The following AKR1E2 variants were observed in gnomAD, a reference collection of about 807,000 sequenced individuals.
AKR1E2 encodes 1,5-anhydro-D-fructose reductase.
AKR1E2 carries 43 observed loss-of-function variants against 41.9 expected under a neutral mutation model. The observed-to-expected ratio is 1.03, with a 90% confidence interval of 0.80 to 1.32. The LOEUF is 1.32. AKR1E2 is among the 40% of genes most tolerant of loss of function. The pLI is 0.00. For missense variants in AKR1E2, 423 were observed against 396.5 expected, an observed-to-expected ratio of 1.07 and a Z score of -0.57; for synonymous variants, 121 against 138.9, an observed-to-expected ratio of 0.87 and a Z score of 0.91.
intron 4 of AKR1E2, among the ~76,000 whole-genome samples, chr10:4,836,648 T>C (rs898596568): frequency 6.6e-6 from 1 of 152,158 alleles, no homozygotes; most frequent in Non-Finnish European, 1.5e-5. Context: ...CCCCCATCAA[T>C]AGAAGACAAA....
the AKR1E2 span, among the ~76,000 whole-genome samples, chr10:4,867,881 A>G: frequency 2.6e-5 from 4 of 152,126 alleles, no homozygotes; most frequent in African/African-American, 4.8e-5. Context: ...CTTTGTAACG[A>G]AAACCTTGGA....
At chr10:4,849,450 T>C (rs1447951996), downstream of AKR1E2, among the ~76,000 whole-genome samples, 1 of 152,252 alleles carries the variant, frequency 6.6e-6, no homozygotes, top group Non-Finnish European at 1.5e-5. Context: ...GTAGCACTCT[T>C]GTGAACACAT....
rs762654463 is a variant in AKR1E2, at chr10:4,839,732, G to A, written c.586G>A (p.Glu196Lys). Reference protein sequence around the residue: ...LRFKPLTNQIECHPYLTQKNL... With the variant: ...LRFKPLTNQIKCHPYLTQKNL... ...GTAAGCTATGATTCTGTTATAGATT[G>A]AGTGCCACCCATATCTTACTCAGAA... The change falls in exon 6 of 10, where the codon GAG becomes AAG. Residue 196 changes from glutamate (E) to lysine (K), a missense_variant. Transcript: ENST00000298375. 3.7e-6 allele frequency: 6 copies of A among 1,613,230 alleles called. No individual in the cohort carries two copies. In the Admixed American group the frequency reaches 8.3e-5, roughly 22 times the overall value.
At chr10:4,845,919 G>A in intron 8 of AKR1E2, 2 of 460,400 alleles carry the variant, frequency 4.3e-6, no homozygotes, top group Non-Finnish European at 4.4e-6. Context: ...CGGAGGAAGT[G>A]CTTATGCTGT....
chr10:4,826,045 G>A (rs1440515116), upstream of AKR1E2: 2 of 386,784 alleles, frequency 5.2e-6, no homozygotes, highest in Non-Finnish European at 9.1e-6. Flanking sequence ...TGTCCAGAGC[G>A]CGGTGCTTCC....
intron 8 of AKR1E2, among the ~76,000 whole-genome samples, chr10:4,843,313 G>C (rs17133751): frequency 5.3e-5 from 8 of 152,248 alleles, no homozygotes; most frequent in African/African-American, 1.9e-4. Flanking sequence ...TAATGATACA[G>C]TGAAGGGATA....
chr10:4,851,928 A>G (rs2131583373), downstream of AKR1E2, among the ~76,000 whole-genome samples: 1 of 152,328 alleles, frequency 6.6e-6, no homozygotes, highest in Non-Finnish European at 1.5e-5. Flanking sequence ...TCCCGAGAAG[A>G]TAGGACACAT....
chr10:4,847,034 T>C, intron 8 of AKR1E2, 114 bp from the exon 9 acceptor site: 1 of 1,150,070 alleles, frequency 8.7e-7, no homozygotes, highest in Non-Finnish European at 1.2e-6. Context: ...ATGAAGTGTT[T>C]GTTTTACATC....
In AKR1E2 at chr10:4,839,299, A is replaced by G. The variant is rs145474477; in HGVS notation, c.583-430A>G. On this transcript the variant is annotated intron_variant, in intron 5 of 9. Transcript: ENST00000298375. ...AGACATCTATGAACAAAACAAATTC[A>G]AACAAAAATCTCTATCTTCATGAGG... Among the ~76,000 whole-genome samples, 749 of 152,364 alleles carry G rather than the reference A, an allele frequency of 4.9e-3. 13 individuals carry two copies. The highest frequency in any genetic ancestry group is 0.036 in the Admixed American group (557 of 15,304).
At chr10:4,845,703 T>C in intron 8 of AKR1E2, 1 of 470,634 alleles carries the variant, frequency 2.1e-6, no homozygotes, top group South Asian at 1.5e-5. Context: ...ATGCCCGGGA[T>C]CCCCATGGCC....
chr10:4,858,198 C>A, the AKR1E2 span, among the ~76,000 whole-genome samples: 1 of 152,134 alleles, frequency 6.6e-6, no homozygotes, highest in African/African-American at 2.4e-5. Flanking sequence ...TTTGACGTAG[C>A]TCATAGTGTT....
chr10:4,857,171 A>G, the AKR1E2 span, among the ~76,000 whole-genome samples: 1 of 152,172 alleles, frequency 6.6e-6, no homozygotes, highest in African/African-American at 2.4e-5. Flanking sequence ...ATTAGTTCAC[A>G]TTGCGTGGCT....
intron 8 of AKR1E2, among the ~76,000 whole-genome samples, chr10:4,845,417 A>G (rs1834257209): frequency 6.6e-6 from 1 of 151,194 alleles, no homozygotes; most frequent in South Asian, 2.1e-4. Flanking sequence ...GTGGGAGCCC[A>G]GGCAGAGGAG....
At chr10:4,831,385 A>T (rs941732592) in intron 2 of AKR1E2, among the ~76,000 whole-genome samples, 1 of 152,212 alleles carries the variant, frequency 6.6e-6, no homozygotes, top group Non-Finnish European at 1.5e-5. Context: ...ATAAAGAAAA[A>T]GAGGTTTAAT....
At chr10:4,827,610 A>G (rs572429623) in intron 1 of AKR1E2, among the ~76,000 whole-genome samples, 1 of 152,332 alleles carries the variant, frequency 6.6e-6, no homozygotes, top group African/African-American at 2.4e-5. Context: ...TCTTTAAAAA[A>G]AAAAAGCTAA....
downstream of AKR1E2, among the ~76,000 whole-genome samples, chr10:4,848,319 C>T (rs1315812290): frequency 6.6e-6 from 1 of 152,250 alleles, no homozygotes; most frequent in Non-Finnish European, 1.5e-5. Flanking sequence ...CACATCTGCT[C>T]ATTCAGCCTG....
chr10:4,830,040 CT>C (rs1832849741), intron 1 of AKR1E2, among the ~76,000 whole-genome samples: 1 of 152,196 alleles, frequency 6.6e-6, no homozygotes, highest in Admixed American at 6.5e-5. Context: ...GCTGCTCTAA[CT>C]CCTAGGGTTA....
At chr10:4,836,443 C>T (rs1414512368) in intron 4 of AKR1E2, among the ~76,000 whole-genome samples, 1 of 152,324 alleles carries the variant, frequency 6.6e-6, no homozygotes, top group Admixed American at 6.5e-5. Flanking sequence ...TGGGCTCCAG[C>T]ATGGCTGACC....
chr10:4,867,437 G>A, the AKR1E2 span, among the ~76,000 whole-genome samples: 1 of 152,176 alleles, frequency 6.6e-6, no homozygotes, highest in Non-Finnish European at 1.5e-5. Context: ...ATTGCATTCA[G>A]CTGTCTTCTG....
Sources: allele counts gnomAD v4.1 joint callset (sites outside exome capture counted in the v4.1 genomes callset), GRCh38; gene constraint gnomAD v4.1.1; transcripts MANE v1.5; gene names NCBI Gene and HGNC (gene_info 2026-07-23, HGNC 2026-07-21).